KIF27: variants seen among roughly 807,000 people sequenced by gnomAD.
The protein encoded by KIF27 is kinesin-like protein KIF27.
A neutral mutation model predicts 141.8 loss-of-function variants in KIF27; 84 were observed. The observed-to-expected ratio is 0.59, with a 90% confidence interval of 0.50 to 0.71. The LOEUF is 0.71. KIF27 is among the 30% of genes least tolerant of loss of function. The pLI is 0.00. For missense variants in KIF27, 1,306 were observed against 1,628.4 expected (o/e 0.80, Z 3.41); for synonymous variants, 471 against 569.5 (o/e 0.83, Z 2.46).
intron 13 of KIF27, among the ~76,000 whole-genome samples, chr9:83,863,384 A>T (rs1401827039): frequency 6.6e-6 from 1 of 152,276 alleles, no homozygotes; most frequent in South Asian, 2.1e-4. Context: ...TTTTACCATG[A>T]AGGGCTGTTG....
chr9:83,903,263 A>C lies in KIF27; in HGVS notation c.1255T>G (p.Phe419Val). 6.2e-7 allele frequency: 1 copy of C among 1,614,184 alleles called. No homozygotes were observed. The highest frequency in any genetic ancestry group is 8.5e-7 in the Non-Finnish European group (1 of 1,180,036). The change falls in exon 4 of 18, where the codon TTT (phenylalanine) becomes GTT (valine). Residue 419 changes from phenylalanine (F) to valine (V), a missense_variant. By Grantham distance (50) the Phe-to-Val change is conservative (BLOSUM62 -1). Transcript: ENST00000297814. ...TCTTTTAGGTCAACCAGGAAGGTAA[A>C]GGCTTCTTCTACACAACACTGGTAA... is the stretch of plus-strand genomic sequence containing the variant. ...LGYQCCVEEAFTFLVDLKDTV... is the reference protein window; with the variant it reads ...LGYQCCVEEAVTFLVDLKDTV...
chr9:83,920,839 GCGCCCAAGTTTCAACCTCTACGGTGGGA>G (rs1956192603), intron 1 of KIF27, among the ~76,000 whole-genome samples: 1 of 102,712 alleles, frequency 9.7e-6, no homozygotes, highest in African/African-American at 3.5e-5. Flanking sequence ...GGTAGGAAAT[GCGCCCAAGTTTCAACCTCTACGGTGGGA>G]AATGCGCCCA....
rs202084005 is a variant in KIF27, at chr9:83,899,646, G to C, written c.1602+15C>G. The C allele has an allele frequency of 9.1e-4, 1,470 of 1,609,258 alleles. 2 individuals are homozygous for C. Among genetic ancestry groups the C allele is most frequent in the Non-Finnish European group, 1.2e-3 (1,409 of 1,176,130 alleles). ...TTCAAGAAAATCTACAGAGCTAGAT[G>C]CATTAAGAAACTACCTGCAGTCTAT... is the stretch of plus-strand genomic sequence containing the variant. On this transcript the variant is annotated intron_variant, in intron 5 of 17. Transcript: ENST00000297814.
intron 14 of KIF27, among the ~76,000 whole-genome samples, chr9:83,857,176 A>G (rs1435064616): frequency 6.6e-6 from 1 of 152,130 alleles, no homozygotes; most frequent in Non-Finnish European, 1.5e-5. Flanking sequence ...CCATTTCCAT[A>G]AAGTAATAAA....
chr9:83,886,070 T>C (rs1952077656), intron 9 of KIF27, among the ~76,000 whole-genome samples: 1 of 152,094 alleles, frequency 6.6e-6, no homozygotes, highest in Non-Finnish European at 1.5e-5. Flanking sequence ...GTTATGCAGA[T>C]GTTTAAATGA....
chr9:83,837,287 C>A lies in KIF27; in HGVS notation c.3920G>T (p.Ser1307Ile), dbSNP rs778438479. Residue 1307 changes from serine (S) to isoleucine (I), a missense_variant, in exon 18 of 18, where the codon AGT becomes ATT. Around this residue, in one of 4 missense-constraint regions of KIF27, gnomAD observed 148 missense variants for 250.9 expected, o/e 0.59. Coordinates refer to ENST00000297814, the MANE Select transcript of KIF27 (RefSeq NM_017576.4). ...EDIPELPPIH[S>I]SLAPPSGHML... ...ATGCCCACTGGGGGGTGCTAAAGAA[C>A]TATGAATTGGAGGTAATTCTGGGAT... 4 of 1,607,114 alleles carry A rather than the reference C, an allele frequency of 2.5e-6. No homozygotes were observed. In the South Asian group the frequency reaches 4.4e-5, roughly 18 times the overall value.
intron 2 of KIF27, among the ~76,000 whole-genome samples, chr9:83,911,900 A>C (rs1488130924): frequency 6.6e-6 from 1 of 152,174 alleles, no homozygotes; most frequent in African/African-American, 2.4e-5. Flanking sequence ...ATTATCAGAG[A>C]ATGCGGGGAG....
At position 83,903,416 on chromosome 9, in the gene KIF27, C is replaced by T. The variant is rs764861313; in HGVS notation, c.1102G>A (p.Glu368Lys). Reference protein sequence around the residue: ...EMEFEIKLLREALQSQQAGVS... With the variant: ...EMEFEIKLLRKALQSQQAGVS... Reference sequence around the variant, plus strand: ...CCAGCCTGCTGGCTTTGCAAAGCTTCTCGAAGCAATTTAATCTCAAATTCC... The same window carrying T: ...CCAGCCTGCTGGCTTTGCAAAGCTTTTCGAAGCAATTTAATCTCAAATTCC... Residue 368 changes from glutamate (E) to lysine (K), a missense_variant, in exon 4 of 18, where the codon GAA (glutamate) becomes AAA (lysine). Physicochemically the swap from Glu to Lys is moderately conservative, Grantham distance 56. This residue lies in a region of KIF27 where 533 missense variants were observed against 565.6 expected (regional missense o/e 0.94). Coordinates refer to ENST00000297814, the MANE Select transcript of KIF27 (RefSeq NM_017576.4). 9.9e-6 allele frequency: 16 copies of T among 1,614,010 alleles called. No individual in the cohort carries two copies. Among genetic ancestry groups the T allele is most frequent in the Non-Finnish European group, 1.4e-5 (16 of 1,180,036 alleles).
At chr9:83,865,860 T>A (rs1950313164) in intron 13 of KIF27, among the ~76,000 whole-genome samples, 2 of 152,206 alleles carry the variant, frequency 1.3e-5, no homozygotes, top group South Asian at 4.1e-4. Flanking sequence ...TAACAGCATA[T>A]ACGTGGGCCA....
At chr9:83,869,256 G>T (rs1950587389) in intron 12 of KIF27, among the ~76,000 whole-genome samples, 1 of 151,608 alleles carries the variant, frequency 6.6e-6, no homozygotes, top group African/African-American at 2.4e-5. Flanking sequence ...TTGCATTCTA[G>T]GTATTTTAAA....
intron 4 of KIF27, among the ~76,000 whole-genome samples, chr9:83,901,454 A>G (rs533560162): frequency 4.6e-5 from 7 of 152,366 alleles, no homozygotes; most frequent in Admixed American, 1.3e-4. Context: ...TTCTTTACAA[A>G]CTTCAACCAA....
chr9:83,865,999 G>A (rs1341540505), intron 13 of KIF27, among the ~76,000 whole-genome samples: 1 of 149,650 alleles, frequency 6.7e-6, no homozygotes, highest in Non-Finnish European at 1.5e-5. Flanking sequence ...GTAGAGATTA[G>A]GAAATAGATG....
At chr9:83,878,056 C>T (rs963462827) in intron 11 of KIF27, among the ~76,000 whole-genome samples, 39 of 147,158 alleles carry the variant, frequency 2.7e-4, no homozygotes, top group South Asian at 6.7e-4. Flanking sequence ...CCCAGCTACT[C>T]GGGAGGCTGA....
At chr9:83,857,461 T>C (rs167180) in intron 14 of KIF27, among the ~76,000 whole-genome samples, 1 of 151,650 alleles carries the variant, frequency 6.6e-6, no homozygotes, top group East Asian at 1.9e-4. Context: ...TGTGAGTAAG[T>C]AGAACTCTAC....
At position 83,888,837 on chromosome 9, in the gene KIF27, A is replaced by C. The variant is rs1250136963; in HGVS notation, c.1980-245T>G. 5.8e-5 allele frequency among the ~76,000 whole-genome samples: 8 copies of C among 138,032 alleles called. No individual in the cohort carries two copies. In the East Asian group the frequency reaches 1.7e-3, roughly 29 times the overall value. The allele number at this position is 138,032 out of a possible 152,430, so 90.6% of individuals were successfully genotyped here. Reference sequence around the variant, plus strand: ...AATCCAAAAAAAAAAAAAAAAAAAAACCTCTGAAAATTAGAATCTCATTAC... The same window carrying C: ...AATCCAAAAAAAAAAAAAAAAAAAACCCTCTGAAAATTAGAATCTCATTAC... On this transcript the variant is annotated intron_variant, in intron 7 of 17. Transcript: ENST00000297814.
chr9:83,902,110 T>C (rs554555289), intron 4 of KIF27, among the ~76,000 whole-genome samples: 1 of 152,282 alleles, frequency 6.6e-6, no homozygotes, highest in South Asian at 2.1e-4. Flanking sequence ...AGCACTGCTG[T>C]AACAGAGGAT....
chr9:83,884,886 ATTCTT>A (rs1425209149), intron 9 of KIF27, among the ~76,000 whole-genome samples: 1 of 152,172 alleles, frequency 6.6e-6, no homozygotes, highest in Non-Finnish European at 1.5e-5. Flanking sequence ...TTCCTTTTAA[ATTCTT>A]TTCTTATTAA....
At chr9:83,916,831 T>G (rs1024649962) in intron 1 of KIF27, among the ~76,000 whole-genome samples, 5 of 152,180 alleles carry the variant, frequency 3.3e-5, no homozygotes, top group Admixed American at 6.5e-5. Flanking sequence ...GCCTGGCTAA[T>G]TTTTTCTATT....
chr9:83,837,155 T>C lies in KIF27; in HGVS notation c.4052A>G (p.His1351Arg). The change falls in exon 18 of 18, where the codon CAT (histidine) becomes CGT (arginine). Residue 1351 changes from histidine (H) to arginine (R), a missense_variant. Physicochemically the swap from His to Arg is conservative, Grantham distance 29 (BLOSUM62 0). Around this residue, in one of 4 missense-constraint regions of KIF27, gnomAD observed 148 missense variants for 250.9 expected, o/e 0.59. Coordinates refer to ENST00000297814, the MANE Select transcript of KIF27 (RefSeq NM_017576.4). The stretch of plus-strand genomic sequence containing the variant: ...ACACAGTTTTACAGGTGTGACACCA[T>C]GAAGTCGTCCCACATTTCCCACAAC... ...IQVVGNVGRLHGVTPVKLCRK... is the reference protein window; with the variant it reads ...IQVVGNVGRLRGVTPVKLCRK... 2 of 1,614,158 alleles carry C rather than the reference T, an allele frequency of 1.2e-6. No individual in the cohort carries two copies. The highest frequency in any genetic ancestry group is 1.7e-6 in the Non-Finnish European group (2 of 1,180,016).
Sources: gnomAD v4.1 joint callset for allele counts (sites outside exome capture counted in the v4.1 genomes callset) on GRCh38, gnomAD v4.1.1 for gene constraint, gnomAD v4.1.1 regional missense constraint, MANE v1.5 for transcripts, NCBI Gene and HGNC (gene_info 2026-07-23, HGNC 2026-07-21) for gene names.